The following POLR3B variants were observed in gnomAD, a reference collection of about 807,000 sequenced individuals.
POLR3B encodes the protein RNA polymerase III subunit B, also known as DNA-directed RNA polymerase III subunit RPC2.
Under a neutral mutation model 147.4 loss-of-function variants are expected in POLR3B, and 96 were observed. The ratio of observed to expected loss-of-function variants is 0.65; its 90% confidence interval spans 0.55 to 0.77. The LOEUF (loss-of-function observed/expected upper bound fraction) is 0.77. Among genes scored for constraint, POLR3B ranks in the 30% least tolerant of loss-of-function variants. The probability of loss-of-function intolerance (pLI) is 0.00; values close to 1 mark genes in which losing one functional copy is unlikely to be tolerated. For missense variants in POLR3B, 1,036 were observed against 1,413.5 expected (o/e 0.73, Z 4.28); for synonymous variants, 461 against 485.9 (o/e 0.95, Z 0.67).
intron 9 of POLR3B, among the ~76,000 whole-genome samples, chr12:106,389,114 T>C (rs1252263304): frequency 6.6e-6 from 1 of 152,256 alleles, no homozygotes; most frequent in East Asian, 1.9e-4. Context: ...GTCTAAATTA[T>C]GTCTTTAAAG....
intron 15 of POLR3B, among the ~76,000 whole-genome samples, chr12:106,433,062 T>C (rs890445098): frequency 6.6e-6 from 1 of 152,198 alleles, no homozygotes; most frequent in Non-Finnish European, 1.5e-5. Flanking sequence ...GCTTATCCCT[T>C]ATCACTTGTC....
chr12:106,411,735 A>G (rs2037230791), intron 12 of POLR3B, among the ~76,000 whole-genome samples: 1 of 152,214 alleles, frequency 6.6e-6, no homozygotes, highest in Admixed American at 6.5e-5. Context: ...GAGGTAGGTT[A>G]GTGAGGATAT....
chr12:106,506,917 G>C (rs765139631), intron 27 of POLR3B, among the ~76,000 whole-genome samples: 2 of 152,164 alleles, frequency 1.3e-5, no homozygotes, highest in African/African-American at 2.4e-5. Flanking sequence ...GAGCATGGGC[G>C]TCGTTGGAGG....
At chr12:106,462,088 A>T (rs1017709883) in intron 22 of POLR3B, among the ~76,000 whole-genome samples, 2 of 151,936 alleles carry the variant, frequency 1.3e-5, no homozygotes, top group Non-Finnish European at 2.9e-5. Context: ...CACACACACC[A>T]ATCCTGTCGT....
intron 5 of POLR3B, 58 bp from the exon 6 acceptor site, chr12:106,369,525 G>T: frequency 8.5e-7 from 1 of 1,180,614 alleles, no homozygotes; most frequent in Middle Eastern, 1.9e-4. Context: ...ACTTTGAAGT[G>T]GTCAGGACCC....
At chr12:106,463,435 G>A in intron 22 of POLR3B, 43 bp from the exon 23 acceptor site, 1 of 1,579,750 alleles carries the variant, frequency 6.3e-7, no homozygotes, top group Non-Finnish European at 8.7e-7. Flanking sequence ...TTCACAAAGG[G>A]CAGTTTGAAA....
At chr12:106,428,043 C>A (rs757924861) in intron 13 of POLR3B, among the ~76,000 whole-genome samples, 1 of 152,200 alleles carries the variant, frequency 6.6e-6, no homozygotes, top group Non-Finnish European at 1.5e-5. Context: ...TTAGTGCAAA[C>A]TTGCTTCAAT....
At chr12:106,398,471 C>T (rs1281297560) in intron 10 of POLR3B, among the ~76,000 whole-genome samples, 1 of 152,238 alleles carries the variant, frequency 6.6e-6, no homozygotes, top group East Asian at 1.9e-4. Context: ...TCTCTGACAG[C>T]TTTGAAGAGA....
chr12:106,481,678 G>A (rs2137058657), intron 23 of POLR3B, among the ~76,000 whole-genome samples: 1 of 152,246 alleles, frequency 6.6e-6, no homozygotes, highest in South Asian at 2.1e-4. Flanking sequence ...CTTACACGTA[G>A]GTTTACACCT....
chr12:106,398,190 G>A (rs995339193), intron 10 of POLR3B, among the ~76,000 whole-genome samples: 10 of 152,184 alleles, frequency 6.6e-5, no homozygotes, highest in African/African-American at 1.7e-4. Context: ...ATTATATCCC[G>A]CACATGACTC....
chr12:106,498,538 G>GT (rs1350877767), intron 25 of POLR3B, among the ~76,000 whole-genome samples: 1 of 151,248 alleles, frequency 6.6e-6, no homozygotes, highest in Non-Finnish European at 1.5e-5. Context: ...TCTGGGTGTT[G>GT]TTTTTTGTTT....
At chr12:106,439,991 G>A (rs1182545301) in intron 18 of POLR3B, among the ~76,000 whole-genome samples, 3 of 152,154 alleles carry the variant, frequency 2.0e-5, no homozygotes, top group Non-Finnish European at 4.4e-5. Flanking sequence ...CACAGTTTGA[G>A]GCTGCAGTGA....
chr12:106,491,011 C>T (rs1158125528), intron 23 of POLR3B, among the ~76,000 whole-genome samples: 2 of 152,198 alleles, frequency 1.3e-5, no homozygotes, highest in African/African-American at 2.4e-5. Context: ...TCTGCCTCTC[C>T]AGCCAAAGTT....
intron 23 of POLR3B, chr12:106,495,847 G>C: frequency 1.5e-6 from 1 of 664,066 alleles, no homozygotes; most frequent in Non-Finnish European, 2.7e-6. Context: ...CAGTCCACAG[G>C]CTGCAGTGCC....
intron 26 of POLR3B, among the ~76,000 whole-genome samples, chr12:106,501,648 C>T (rs2038603395): frequency 6.6e-6 from 1 of 152,190 alleles, no homozygotes; most frequent in African/African-American, 2.4e-5. Context: ...AGAGCAAACC[C>T]ACCATAGGTC....
At chr12:106,484,114 G>A (rs542927372) in intron 23 of POLR3B, among the ~76,000 whole-genome samples, 1 of 152,148 alleles carries the variant, frequency 6.6e-6, no homozygotes, top group Non-Finnish European at 1.5e-5. Flanking sequence ...AGACTAGATG[G>A]GGTTCAGGCT....
intron 23 of POLR3B, among the ~76,000 whole-genome samples, chr12:106,470,104 G>C (rs2038069314): frequency 6.6e-6 from 1 of 151,930 alleles, no homozygotes; most frequent in Admixed American, 6.6e-5. Flanking sequence ...ACGTAGATTT[G>C]GTCTTTTCAC....
intron 17 of POLR3B, 130 bp downstream of exon 17, chr12:106,437,261 C>T (rs2037590023): frequency 1.9e-5 from 14 of 750,066 alleles, no homozygotes; most frequent in Non-Finnish European, 7.0e-6. Flanking sequence ...ACCTATTTTG[C>T]TCCATGTGAA....
chr12:106,486,817 T>G (rs750518314), intron 23 of POLR3B, among the ~76,000 whole-genome samples: 149 of 152,362 alleles, frequency 9.8e-4, no homozygotes, highest in Admixed American at 1.7e-3. Flanking sequence ...TGGTCAGGCT[T>G]TAGTGGCCTT....
Sources: allele counts gnomAD v4.1 joint callset (sites outside exome capture counted in the v4.1 genomes callset), GRCh38; gene constraint gnomAD v4.1.1; transcripts MANE v1.5; gene names NCBI Gene and HGNC (gene_info 2026-07-23, HGNC 2026-07-21).